COL15A1: variants seen among roughly 807,000 people sequenced by gnomAD.
The protein encoded by COL15A1 is collagen alpha-1(XV) chain.
A neutral mutation model predicts 165.9 loss-of-function variants in COL15A1; 111 were observed. The ratio of observed to expected loss-of-function variants is 0.67; its 90% confidence interval spans 0.57 to 0.78. The LOEUF is 0.78. Ranked by LOEUF, COL15A1 falls within the 30% of genes least tolerant of loss-of-function variation. The probability of loss-of-function intolerance (pLI) is 0.00; values close to 1 mark genes in which losing one functional copy is unlikely to be tolerated. For synonymous variants in COL15A1, 659 were observed against 674.8 expected, an observed-to-expected ratio of 0.98 and a Z score of 0.36; for missense variants, 1,745 against 1,789.7, an observed-to-expected ratio of 0.98 and a Z score of 0.45.
At chr9:99,042,968 C>A (rs921611613) in intron 24 of COL15A1, among the ~76,000 whole-genome samples, 1 of 152,054 alleles carries the variant, frequency 6.6e-6, no homozygotes. Flanking sequence ...CTGTGCTAGG[C>A]GTAGGGATAT....
chr9:99,040,426 C>T, intron 22 of COL15A1, 95 bp from the exon 23 acceptor site: 1 of 1,597,326 alleles, frequency 6.3e-7, no homozygotes, highest in Non-Finnish European at 8.6e-7. Flanking sequence ...TGGGAACATG[C>T]TGAGGCCTTT....
At chr9:99,023,736 C>A (rs564725702) in intron 14 of COL15A1, among the ~76,000 whole-genome samples, 1 of 152,208 alleles carries the variant, frequency 6.6e-6, no homozygotes, top group Non-Finnish European at 1.5e-5. Context: ...GCAGGCTGCC[C>A]TGCAGCAGGT....
chr9:98,989,369 A>G (rs1046326661), intron 5 of COL15A1, 111 bp downstream of exon 5: 94 of 852,444 alleles, frequency 1.1e-4, no homozygotes, highest in Non-Finnish European at 1.4e-4. Flanking sequence ...CAGACCTGTG[A>G]GCTTAATCGT....
chr9:98,958,089 G>A (rs149757728), intron 2 of COL15A1, among the ~76,000 whole-genome samples: 38 of 152,344 alleles, frequency 2.5e-4, no homozygotes, highest in Non-Finnish European at 4.6e-4. Context: ...ATGACATGCC[G>A]GAGGCAACTA....
intron 2 of COL15A1, among the ~76,000 whole-genome samples, chr9:98,945,212 G>A (rs1470160876): frequency 6.6e-6 from 1 of 152,168 alleles, no homozygotes; most frequent in African/African-American, 2.4e-5. Flanking sequence ...TTAGATTCAG[G>A]GAGTGGTCAT....
intron 2 of COL15A1, among the ~76,000 whole-genome samples, chr9:98,954,220 TC>T (rs1183696108): frequency 2.0e-5 from 3 of 150,770 alleles, no homozygotes; most frequent in Non-Finnish European, 3.0e-5. Flanking sequence ...TTCATTTTTT[TC>T]AATAAAATTT....
Position 99,015,462 on chromosome 9 carries a change from G to C in COL15A1, c.1399G>C (p.Glu467Gln). 1 of 1,608,292 alleles carries C rather than the reference G, an allele frequency of 6.2e-7. No homozygotes were observed. Among genetic ancestry groups the C allele is most frequent in the South Asian group, 1.1e-5 (1 of 90,950 alleles). Residue 467 changes from glutamate to glutamine, a missense_variant, in exon 10 of 42, where the codon GAA (glutamate) becomes CAA (glutamine). By Grantham distance (29) the Glu-to-Gln change is conservative. Transcript: ENST00000375001. ...DSLTTAAAAT[E>Q]VSLSTFEDEE... ...TTTAACAACAGCTGCAGCTGCAACCGAAGTGTCCCTCAGTACTTTTGAGGA... is the reference window on the plus strand; with the variant it reads ...TTTAACAACAGCTGCAGCTGCAACCCAAGTGTCCCTCAGTACTTTTGAGGA...
At chr9:98,944,113 C>G (rs1284272449) in intron 1 of COL15A1, 41 bp downstream of exon 1, 5 of 1,614,048 alleles carry the variant, frequency 3.1e-6, no homozygotes, top group Non-Finnish European at 4.2e-6. Flanking sequence ...CCGGGCCCCT[C>G]CAATACTCTT....
At chr9:99,063,856 A>G (rs1449845548) in intron 39 of COL15A1, among the ~76,000 whole-genome samples, 1 of 152,148 alleles carries the variant, frequency 6.6e-6, no homozygotes, top group Non-Finnish European at 1.5e-5. Context: ...AGAAAGGTCA[A>G]GAATGATGCC....
chr9:99,039,790 A>G (rs1839369086), intron 22 of COL15A1, among the ~76,000 whole-genome samples: 1 of 152,184 alleles, frequency 6.6e-6, no homozygotes, highest in African/African-American at 2.4e-5. Flanking sequence ...ACTTGTAAGA[A>G]GTGAGGGATG....
intron 2 of COL15A1, among the ~76,000 whole-genome samples, chr9:98,954,572 T>C (rs1464838962): frequency 1.3e-5 from 2 of 152,238 alleles, no homozygotes; most frequent in African/African-American, 4.8e-5. Context: ...TTTTAGGCTG[T>C]TTCTCATTGC....
intron 17 of COL15A1, among the ~76,000 whole-genome samples, 186 bp from the exon 18 acceptor site, chr9:99,034,828 A>G (rs1042013894): frequency 6.6e-6 from 1 of 152,216 alleles, no homozygotes; most frequent in Non-Finnish European, 1.5e-5. Context: ...AAATGAGTGC[A>G]TCAGCTTATC....
At chr9:99,052,306 G>T in intron 30 of COL15A1, 82 bp from the exon 31 acceptor site, 1 of 1,016,454 alleles carries the variant, frequency 9.8e-7, no homozygotes, top group East Asian at 2.4e-5. Context: ...TTTGTCACAT[G>T]CCCCCGGGAC....
intron 2 of COL15A1, among the ~76,000 whole-genome samples, chr9:98,978,631 C>A (rs994724325): frequency 2.0e-5 from 3 of 152,150 alleles, no homozygotes; most frequent in African/African-American, 4.8e-5. Context: ...TGTTTCTTTT[C>A]CTTCTTTTTT....
At chr9:99,069,505 A>G (rs1212372940) in intron 41 of COL15A1, among the ~76,000 whole-genome samples, 168 bp from the exon 42 acceptor site, 1 of 152,182 alleles carries the variant, frequency 6.6e-6, no homozygotes, top group Admixed American at 6.5e-5. Flanking sequence ...GTGTGGCTGC[A>G]ATCTAGTGTG....
chr9:98,985,399 CTT>C (rs1415124011), intron 2 of COL15A1, among the ~76,000 whole-genome samples, 164 bp from the exon 3 acceptor site: 3 of 152,188 alleles, frequency 2.0e-5, no homozygotes, highest in Non-Finnish European at 4.4e-5. Context: ...AAATGCATTT[CTT>C]TTTGTGGGTC....
At chr9:99,035,487 G>A (rs1839286160) in intron 19 of COL15A1, 69 bp downstream of exon 19, 8 of 1,597,442 alleles carry the variant, frequency 5.0e-6, no homozygotes, top group Non-Finnish European at 6.9e-6. Context: ...GAAGCTGTGG[G>A]CTGCATCCCG....
chr9:98,991,220 G>T (rs758168235), intron 5 of COL15A1, among the ~76,000 whole-genome samples: 3 of 151,472 alleles, frequency 2.0e-5, no homozygotes, highest in Non-Finnish European at 4.4e-5. Flanking sequence ...CCAAGTTGCC[G>T]CTGCTCACTC....
At chr9:99,057,666 C>A (rs1435519280) in intron 35 of COL15A1, among the ~76,000 whole-genome samples, 1 of 152,194 alleles carries the variant, frequency 6.6e-6, no homozygotes, top group Non-Finnish European at 1.5e-5. Context: ...GTGACACCAA[C>A]AGGATTCAGA....
Sources: gnomAD v4.1 joint callset for allele counts (sites outside exome capture counted in the v4.1 genomes callset) on GRCh38, gnomAD v4.1.1 for gene constraint, MANE v1.5 for transcripts, NCBI Gene and HGNC (gene_info 2026-07-23, HGNC 2026-07-21) for gene names.